The following SEL1L3 variants were observed in gnomAD, a reference collection of about 807,000 sequenced individuals.
SEL1L3 encodes protein sel-1 homolog 3.
SEL1L3 carries 76 observed loss-of-function variants against 142.8 expected under a neutral mutation model. That is an observed-to-expected ratio of 0.53 (90% CI 0.44 to 0.64). The LOEUF (loss-of-function observed/expected upper bound fraction) is 0.64, where lower values mean the gene tolerates loss of function less well. Ranked by LOEUF, SEL1L3 falls within the 30% of genes least tolerant of loss-of-function variation. The pLI, the probability that SEL1L3 is intolerant of heterozygous loss-of-function variation, is 0.00. For missense variants in SEL1L3, 1,262 were observed against 1,381.7 expected (o/e 0.91, Z 1.37); for synonymous variants, 504 against 519.6 (o/e 0.97, Z 0.41).
intron 1 of SEL1L3, chr4:25,861,956 A>G (rs1273662295): frequency 1.3e-5 from 2 of 152,360 alleles, no homozygotes; most frequent in African/African-American, 4.8e-5. Flanking sequence ...GTTGATGACT[A>G]AAACAGAAGC....
chr4:25,726,688 C>T, the SEL1L3 span, among the ~76,000 whole-genome samples: 1 of 152,138 alleles, frequency 6.6e-6, no homozygotes, highest in Non-Finnish European at 1.5e-5. Context: ...TTTCAGACTT[C>T]GAAGTCCCAG....
chr4:25,792,959 T>A (rs562363243), intron 11 of SEL1L3, among the ~76,000 whole-genome samples: 1 of 152,354 alleles, frequency 6.6e-6, no homozygotes, highest in Admixed American at 6.5e-5. Context: ...TGATTGATAT[T>A]CTTAGGTCTT....
intron 6 of SEL1L3, among the ~76,000 whole-genome samples, chr4:25,826,681 T>C (rs1427022088): frequency 1.3e-5 from 2 of 152,124 alleles, no homozygotes; most frequent in African/African-American, 4.8e-5. Flanking sequence ...TTTTGTTTTT[T>C]GTTTTGTTTT....
At chr4:25,794,399 T>C (rs1712565558) in intron 11 of SEL1L3, among the ~76,000 whole-genome samples, 1 of 152,224 alleles carries the variant, frequency 6.6e-6, no homozygotes, top group African/African-American at 2.4e-5. Flanking sequence ...AGAAGACATT[T>C]ATGCAGGCAA....
chr4:25,728,306 T>C, the SEL1L3 span, among the ~76,000 whole-genome samples: 1 of 152,154 alleles, frequency 6.6e-6, no homozygotes, highest in African/African-American at 2.4e-5. Context: ...GCTTTCTATT[T>C]GCAAAGTTTC....
chr4:25,789,155 T>G (rs1429828401), intron 12 of SEL1L3, among the ~76,000 whole-genome samples: 1 of 152,170 alleles, frequency 6.6e-6, no homozygotes, highest in Non-Finnish European at 1.5e-5. Flanking sequence ...CATGGGTCCT[T>G]TGTTTTCCTT....
chr4:25,847,009 T>A (rs999902448), intron 2 of SEL1L3, among the ~76,000 whole-genome samples: 3 of 151,182 alleles, frequency 2.0e-5, no homozygotes, highest in African/African-American at 7.3e-5. Context: ...GCATGAATAC[T>A]CCTTTCCAGC....
intron 11 of SEL1L3, among the ~76,000 whole-genome samples, chr4:25,792,107 A>C (rs534241091): frequency 6.6e-6 from 1 of 152,174 alleles, no homozygotes; most frequent in Admixed American, 6.5e-5. Context: ...AGCTAACCTG[A>C]GGAGGCCACC....
chr4:25,790,415 T>C (rs749926595), intron 12 of SEL1L3, 40 bp downstream of exon 12: 66 of 1,604,626 alleles, frequency 4.1e-5, no homozygotes, highest in Non-Finnish European at 5.5e-5. Flanking sequence ...CAGTCTATCA[T>C]GGCTGACAGA....
intron 23 of SEL1L3, chr4:25,756,292 T>C (rs1020294629): frequency 2.1e-4 from 209 of 985,236 alleles, no homozygotes; most frequent in Non-Finnish European, 1.3e-4. Flanking sequence ...GAGTCGTCTG[T>C]GGGTGTGAGT....
the SEL1L3 span, among the ~76,000 whole-genome samples, chr4:25,723,836 A>G: frequency 6.6e-6 from 1 of 152,142 alleles, no homozygotes. Context: ...AGATTCACCA[A>G]TAAATAACAG....
At chr4:25,754,434 C>T (rs949230175) in intron 23 of SEL1L3, among the ~76,000 whole-genome samples, 6 of 151,174 alleles carry the variant, frequency 4.0e-5, no homozygotes, top group Admixed American at 2.0e-4. Flanking sequence ...CTGCAACCTC[C>T]GTCTCCGGGG....
At chr4:25,784,335 G>T in intron 13 of SEL1L3, 45 bp from the exon 14 acceptor site, 1 of 1,415,550 alleles carries the variant, frequency 7.1e-7, no homozygotes, top group Non-Finnish European at 1.0e-6. Flanking sequence ...AATACAACCA[G>T]ACTGCACACA....
chr4:25,813,342 T>A (rs1714158470), intron 9 of SEL1L3, among the ~76,000 whole-genome samples: 1 of 152,198 alleles, frequency 6.6e-6, no homozygotes, highest in South Asian at 2.1e-4. Flanking sequence ...AAGTGTGGTA[T>A]AAACATGTCA....
chr4:25,862,976 C>G lies in SEL1L3; in HGVS notation c.-140G>C, dbSNP rs1348134242. On this transcript the variant is annotated 5_prime_UTR_variant, in exon 1 of 24. Coordinates refer to ENST00000399878, the MANE Select transcript of SEL1L3 (RefSeq NM_015187.5). ...CACCTGCCGCCACCTCCGGACCCGC[C>G]GCCGCCGCCACTGCCGCTCCCGCCG... 6.5e-6 allele frequency: 3 copies of G among 463,856 alleles called. No homozygotes were observed. The highest frequency in any genetic ancestry group is 8.4e-6 in the Non-Finnish European group (3 of 356,196). 28.7% of individuals were successfully genotyped at this position (463,856 alleles called of 1,614,324 possible).
intron 9 of SEL1L3, among the ~76,000 whole-genome samples, chr4:25,806,475 G>A (rs1713585161): frequency 6.6e-6 from 1 of 152,114 alleles, no homozygotes; most frequent in Non-Finnish European, 1.5e-5. Context: ...TCCTTGCAGA[G>A]GTCCATGCTA....
At chr4:25,813,451 C>G (rs919286953) in intron 9 of SEL1L3, among the ~76,000 whole-genome samples, 1 of 152,150 alleles carries the variant, frequency 6.6e-6, no homozygotes, top group Non-Finnish European at 1.5e-5. Context: ...AAGCCAGTCA[C>G]CAAAAGACAA....
At chr4:25,823,926 A>G (rs912874153) in intron 6 of SEL1L3, among the ~76,000 whole-genome samples, 18 of 152,178 alleles carry the variant, frequency 1.2e-4, no homozygotes, top group African/African-American at 4.3e-4. Flanking sequence ...GCACCTGGCC[A>G]GGGAGGAGGC....
the SEL1L3 span, among the ~76,000 whole-genome samples, chr4:25,739,480 G>A: frequency 2.0e-5 from 3 of 152,130 alleles, no homozygotes; most frequent in African/African-American, 7.2e-5. Context: ...GCCGAGGAGG[G>A]TAGATCACGA....
Sources: allele counts gnomAD v4.1 joint callset (sites outside exome capture counted in the v4.1 genomes callset), GRCh38; gene constraint gnomAD v4.1.1; transcripts MANE v1.5; gene names NCBI Gene and HGNC (gene_info 2026-07-23, HGNC 2026-07-21).